Variants in RGS17 observed in about 807,000 individuals in gnomAD.
The protein encoded by RGS17 is regulator of G protein signaling 17, also known as regulator of G-protein signaling 17.
RGS17 carries 12 observed loss-of-function variants against 25.5 expected under a neutral mutation model. The observed-to-expected ratio is 0.47, with a 90% CI of 0.30 to 0.76. The LOEUF (loss-of-function observed/expected upper bound fraction) is 0.76, where lower values mean the gene tolerates loss of function less well. Among genes scored for constraint, RGS17 ranks in the 30% least tolerant of loss-of-function variants. The pLI is 0.07. For missense variants in RGS17, 196 were observed against 242.2 expected (o/e 0.81, Z 1.27); for synonymous variants, 71 against 76.9 (o/e 0.92, Z 0.40).
chr6:153,023,566 T>C (rs1474732122), intron 4 of RGS17, among the ~76,000 whole-genome samples: 1 of 152,234 alleles, frequency 6.6e-6, no homozygotes, highest in Non-Finnish European at 1.5e-5. Flanking sequence ...ATTTGGTTGC[T>C]AGAAGTATTG....
intron 4 of RGS17, among the ~76,000 whole-genome samples, chr6:153,015,678 T>TA (rs1779174468): frequency 6.6e-6 from 1 of 151,924 alleles, no homozygotes; most frequent in South Asian, 2.1e-4. Context: ...TTTTTTTTTT[T>TA]AGTCTCGCTC....
At chr6:153,074,615 G>T (rs1776850636) in intron 1 of RGS17, among the ~76,000 whole-genome samples, 1 of 152,128 alleles carries the variant, frequency 6.6e-6, no homozygotes. Context: ...CGTAATTGAT[G>T]GGGGAAAAGG....
At chr6:153,100,468 G>T (rs1393483234) in intron 1 of RGS17, among the ~76,000 whole-genome samples, 2 of 151,488 alleles carry the variant, frequency 1.3e-5, no homozygotes, top group African/African-American at 4.9e-5. Flanking sequence ...ATTATACATT[G>T]TATACACATA....
intron 1 of RGS17, among the ~76,000 whole-genome samples, chr6:153,061,612 T>C (rs1443632254): frequency 6.6e-6 from 1 of 152,200 alleles, no homozygotes; most frequent in Admixed American, 6.5e-5. Flanking sequence ...TTAAGATACT[T>C]ATACAAACAG....
intron 3 of RGS17, among the ~76,000 whole-genome samples, chr6:153,025,354 G>A (rs1779288563): frequency 6.6e-6 from 1 of 151,650 alleles, no homozygotes; most frequent in African/African-American, 2.4e-5. Context: ...GTTAATGTAC[G>A]AATTGTTAGT....
intron 1 of RGS17, among the ~76,000 whole-genome samples, chr6:153,069,122 G>A (rs117807628): frequency 0.032 from 4,936 of 152,196 alleles, 386 homozygotes; most frequent in South Asian, 0.26. Flanking sequence ...CAAAAGAAAG[G>A]AAATCAGCAT....
chr6:153,026,485 T>C lies in RGS17; in HGVS notation c.178A>G (p.Lys60Glu), dbSNP rs772484147. 5.6e-6 allele frequency: 9 copies of C among 1,613,290 alleles called. No individual in the cohort carries two copies. The South Asian group carries it at 9.9e-5, about 18-fold the overall frequency. Residue 60 changes from lysine to glutamate, a missense_variant, in exon 3 of 5, where the codon AAA becomes GAA. This residue lies in a region of RGS17 where 179 missense variants were observed against 197.6 expected (regional missense o/e 0.91). Coordinates refer to ENST00000206262, the MANE Select transcript of RGS17 (RefSeq NM_012419.5). ...TCTAGGACCTGGATACTCTCCATTTTTGTAGTGTGTGTGGGTCTTCCCGCA... is the reference window on the plus strand; with the variant it reads ...TCTAGGACCTGGATACTCTCCATTTCTGTAGTGTGTGTGGGTCTTCCCGCA... ...ENAGRPTHTT[K>E]MESIQVLEEC...
intron 2 of RGS17, among the ~76,000 whole-genome samples, chr6:153,037,090 T>TC (rs1776254294): frequency 6.6e-6 from 1 of 152,106 alleles, no homozygotes; most frequent in African/African-American, 2.4e-5. Context: ...TGACTTTATA[T>TC]CCCAGAAATG....
At chr6:153,025,947 C>T (rs1042036462) in intron 3 of RGS17, among the ~76,000 whole-genome samples, 3 of 121,160 alleles carry the variant, frequency 2.5e-5, no homozygotes, top group Admixed American at 8.2e-5. Context: ...AAAAAGAAAG[C>T]ACTTACAATT....
chr6:153,022,212 A>G (rs1779254699), intron 4 of RGS17, among the ~76,000 whole-genome samples: 1 of 152,216 alleles, frequency 6.6e-6, no homozygotes, highest in Non-Finnish European at 1.5e-5. Context: ...CGTCTCAAAA[A>G]AAATTAGATG....
At chr6:153,037,687 G>A (rs1776267536) in intron 2 of RGS17, among the ~76,000 whole-genome samples, 1 of 151,244 alleles carries the variant, frequency 6.6e-6, no homozygotes, top group Non-Finnish European at 1.5e-5. Context: ...GCCTCCCAAA[G>A]GGCTGGGATT....
intron 1 of RGS17, among the ~76,000 whole-genome samples, chr6:153,117,511 T>C (rs1468533529): frequency 6.6e-6 from 1 of 152,198 alleles, no homozygotes; most frequent in Non-Finnish European, 1.5e-5. Flanking sequence ...ATAGGACTCT[T>C]TGTACTCTTC....
At chr6:153,081,719 T>A (rs1401080762) in intron 1 of RGS17, among the ~76,000 whole-genome samples, 1 of 152,152 alleles carries the variant, frequency 6.6e-6, no homozygotes, top group African/African-American at 2.4e-5. Flanking sequence ...TATTTTTACA[T>A]GTTATTAATC....
intron 1 of RGS17, among the ~76,000 whole-genome samples, chr6:153,083,661 A>G (rs192347316): frequency 6.6e-6 from 1 of 152,206 alleles, no homozygotes; most frequent in African/African-American, 2.4e-5. Context: ...ATACCACTTT[A>G]TGGCTTGGAT....
Position 153,130,509 on chromosome 6 carries a change from C to A in RGS17, c.-26+615G>T, listed in dbSNP as rs1584172375. On this transcript the variant is annotated intron_variant, in intron 1 of 4. Coordinates refer to ENST00000206262, the MANE Select transcript of RGS17 (RefSeq NM_012419.5). The surrounding 1 kb of genome is among the most constrained non-coding windows in gnomAD (Gnocchi z 6.4). ...ACACACACACACACACACACACACA[C>A]CCCTCCGGTATTTTACTGCTGGTCA... is the stretch of plus-strand genomic sequence containing the variant. 6.6e-6 allele frequency among the ~76,000 whole-genome samples: 1 copy of A among 151,222 alleles called. No individual in the cohort carries two copies. The highest frequency in any genetic ancestry group is 1.9e-4 in the East Asian group (1 of 5,136).
chr6:153,032,521 T>A (rs1776164202), intron 2 of RGS17, among the ~76,000 whole-genome samples: 1 of 142,386 alleles, frequency 7.0e-6, no homozygotes, highest in African/African-American at 2.6e-5. Flanking sequence ...TTTAACCAAG[T>A]CAGAATAAAG....
At chr6:153,074,988 C>T (rs1239102286) in intron 1 of RGS17, among the ~76,000 whole-genome samples, 1 of 152,164 alleles carries the variant, frequency 6.6e-6, no homozygotes, top group East Asian at 1.9e-4. Flanking sequence ...CACTGCCCTC[C>T]CCGGATGCTG....
chr6:153,101,459 A>G (rs572814091), intron 1 of RGS17, among the ~76,000 whole-genome samples: 1 of 152,334 alleles, frequency 6.6e-6, no homozygotes, highest in South Asian at 2.1e-4. Context: ...TAGTGATCAT[A>G]TTGTATGCTA....
At chr6:153,071,213 T>G (rs1272407452) in intron 1 of RGS17, among the ~76,000 whole-genome samples, 1 of 151,060 alleles carries the variant, frequency 6.6e-6, no homozygotes, top group Non-Finnish European at 1.5e-5. Flanking sequence ...ACACAGTCTA[T>G]AGACATAGAT....
Sources: gnomAD v4.1 joint callset for allele counts (sites outside exome capture counted in the v4.1 genomes callset) on GRCh38, gnomAD v4.1.1 for gene constraint, gnomAD v4.1.1 regional missense constraint, Gnocchi (gnomAD v3.1) non-coding constraint, MANE v1.5 for transcripts, NCBI Gene and HGNC (gene_info 2026-07-23, HGNC 2026-07-21) for gene names.